Variants in TOB2 observed in about 807,000 individuals in gnomAD.
TOB2 encodes the protein protein Tob2.
A neutral mutation model predicts 17.3 loss-of-function variants in TOB2; 3 were observed. The ratio of observed to expected loss-of-function variants is 0.17; its 90% confidence interval spans 0.08 to 0.45. The LOEUF is 0.45. TOB2 is among the 20% of genes least tolerant of loss of function. TOB2 has a pLI of 0.99. For missense variants in TOB2, 407 were observed against 445.7 expected (o/e 0.91, Z 0.78); for synonymous variants, 163 against 185.6 (o/e 0.88, Z 0.99).
intron 1 of TOB2, among the ~76,000 whole-genome samples, chr22:41,438,508 TA>T (rs1421595600): frequency 6.6e-6 from 1 of 151,058 alleles, no homozygotes; most frequent in Admixed American, 6.6e-5. Flanking sequence ...TGCATGCCTG[TA>T]ATCCCAGCTA....
chr22:41,443,264 GTGTGTGTCACACGCGCGCGCA>G (rs2037638500), intron 1 of TOB2, among the ~76,000 whole-genome samples: 1 of 152,170 alleles, frequency 6.6e-6, no homozygotes, highest in Admixed American at 6.5e-5. Context: ...GAAGGTGTGT[GTGTGTGTCACACGCGCGCGCA>G]TGTGTCTGCC....
intron 1 of TOB2, among the ~76,000 whole-genome samples, chr22:41,445,154 C>T (rs1389472272): frequency 6.6e-6 from 1 of 152,232 alleles, no homozygotes; most frequent in East Asian, 1.9e-4. Context: ...ACTGAGTAAC[C>T]AGATCCGGGA....
In TOB2 at chr22:41,434,715, C is replaced by T. The variant is rs892879291; in HGVS notation, c.*1596G>A. The stretch of plus-strand genomic sequence containing the variant: ...TTGGGACCCTGATGCCAAGTGCCCA[C>T]TTTGCAAAGAAGAAAAAGTTAATGA... On this transcript the variant is annotated 3_prime_UTR_variant, in exon 2 of 2. Coordinates refer to ENST00000327492, the MANE Select transcript of TOB2 (RefSeq NM_016272.4). 1 of 152,676 alleles carries T rather than the reference C, an allele frequency of 6.5e-6. No homozygotes were observed. Among genetic ancestry groups the T allele is most frequent in the Non-Finnish European group, 1.5e-5 (1 of 68,116 alleles). 9.5% of individuals were successfully genotyped at this position (152,676 alleles called of 1,614,324 possible).
chr22:41,442,106 AAAAAG>A (rs1293562203), intron 1 of TOB2, among the ~76,000 whole-genome samples: 3 of 151,664 alleles, frequency 2.0e-5, no homozygotes, highest in African/African-American at 7.3e-5. Flanking sequence ...AAAAAAAAAA[AAAAAG>A]AAAAAAAAGT....
chr22:41,443,617 G>A (rs1170946514), intron 1 of TOB2, among the ~76,000 whole-genome samples: 1 of 112,238 alleles, frequency 8.9e-6, no homozygotes, highest in Non-Finnish European at 1.8e-5. Flanking sequence ...TGCCTAGCCA[G>A]AAGATTTTTT....
At position 41,437,401 on chromosome 22, in the gene TOB2, G is replaced by C. The variant is rs2037567113; in HGVS notation, c.-56C>G. 1 of 1,536,002 alleles carries C rather than the reference G, an allele frequency of 6.5e-7. No individual in the cohort carries two copies. Among genetic ancestry groups the C allele is most frequent in the Admixed American group, 2.1e-5 (1 of 47,262 alleles). On this transcript the variant is annotated 5_prime_UTR_variant, in exon 2 of 2. Coordinates refer to ENST00000327492, the MANE Select transcript of TOB2 (RefSeq NM_016272.4). ...GGCACGTGTACAGCCTTGGGCTCCA[G>C]GCGGCTCTGGGAAATGAGAGGCACC...
rs2037537404 is a variant in TOB2, at chr22:41,435,689, G to A, written c.*622C>T. On this transcript the variant is annotated 3_prime_UTR_variant, in exon 2 of 2. Coordinates refer to ENST00000327492, the MANE Select transcript of TOB2 (RefSeq NM_016272.4). ...CCTGTAGTCACAGACATCAGCTCCA[G>A]GGGGAGGGTGTCAAGTGGCCAGCCA... is the stretch of plus-strand genomic sequence containing the variant. 6.5e-6 allele frequency: 1 copy of A among 152,908 alleles called. No homozygotes were observed. Among genetic ancestry groups the A allele is most frequent in the African/African-American group, 2.4e-5 (1 of 41,472 alleles). 9.5% of individuals were successfully genotyped at this position (152,908 alleles called of 1,614,324 possible). A position where few individuals can be genotyped will look rare whatever the true frequency, so the allele number is the denominator to read the frequency against.
intron 1 of TOB2, among the ~76,000 whole-genome samples, chr22:41,440,015 G>A (rs1044782994): frequency 3.9e-5 from 6 of 152,114 alleles, no homozygotes; most frequent in African/African-American, 7.2e-5. Flanking sequence ...CCCTCCACAA[G>A]AACACTCAGG....
In TOB2 at chr22:41,436,826, T is replaced by A; in HGVS notation, c.520A>T (p.Ile174Phe). ...PTFIPRSAQP[I>F]TFTTASFAAT... ...GCGAAGGAGGCGGTGGTGAAGGTGATGGGCTGAGCGGAGCGGGGAATGAAG... is the reference window on the plus strand; with the variant it reads ...GCGAAGGAGGCGGTGGTGAAGGTGAAGGGCTGAGCGGAGCGGGGAATGAAG... The change falls in exon 2 of 2, where the codon ATC becomes TTC. Residue 174 changes from isoleucine to phenylalanine, a missense_variant. Physicochemically the swap from Ile to Phe is conservative, Grantham distance 21. Coordinates refer to ENST00000327492, the MANE Select transcript of TOB2 (RefSeq NM_016272.4). This position sits in a 1 kb window ranked among gnomAD's most constrained non-coding sequence, Gnocchi z 4.8. 1 of 1,613,954 alleles carries A rather than the reference T, an allele frequency of 6.2e-7. No individual in the cohort carries two copies. The highest frequency in any genetic ancestry group is 8.5e-7 in the Non-Finnish European group (1 of 1,179,904).
chr22:41,445,942 C>T (rs2037680315), intron 1 of TOB2, among the ~76,000 whole-genome samples: 1 of 152,180 alleles, frequency 6.6e-6, no homozygotes, highest in Non-Finnish European at 1.5e-5. Flanking sequence ...AATTACCACC[C>T]CCCTTCCCTG....
chr22:41,439,928 A>C (rs975273666), intron 1 of TOB2, among the ~76,000 whole-genome samples: 2 of 152,034 alleles, frequency 1.3e-5, no homozygotes, highest in Non-Finnish European at 2.9e-5. Context: ...AATCTAGTTA[A>C]CCCTCATTTC....
chr22:41,444,778 C>A (rs1012754964), intron 1 of TOB2, among the ~76,000 whole-genome samples: 8 of 152,250 alleles, frequency 5.3e-5, no homozygotes, highest in Non-Finnish European at 8.8e-5. Context: ...ACTTTCCCAC[C>A]TTTCCCTTCA....
rs769523076 is a variant in TOB2 at position 41,436,709 on chromosome 22, G to C, written c.637C>G (p.Pro213Ala). The C allele has an allele frequency of 3.1e-6, 5 of 1,613,128 alleles. No individual in the cohort carries two copies. The South Asian group carries it at 5.5e-5, about 18-fold the overall frequency. Residue 213 changes from proline (P) to alanine (A), a missense_variant, in exon 2 of 2, where the codon CCA becomes GCA. Physicochemically the swap from Pro to Ala is conservative, Grantham distance 27 (BLOSUM62 -1). Coordinates refer to ENST00000327492, the MANE Select transcript of TOB2 (RefSeq NM_016272.4). This position sits in a 1 kb window ranked among gnomAD's most constrained non-coding sequence, Gnocchi z 4.8. ...CGGGCCATGCGAGGCTGCTGTGGTG[G>C]CTGCTGGCCACCCGCCCCACTGCTG... is the stretch of plus-strand genomic sequence containing the variant. Reference protein sequence around the residue: ...VASSGAGGQQPPQQPRMARSP... With the variant: ...VASSGAGGQQAPQQPRMARSP...
chr22:41,435,527 AG>A lies in TOB2; in HGVS notation c.*783del. The A allele has an allele frequency of 6.5e-6, 1 of 152,794 alleles. No homozygotes were observed. Among genetic ancestry groups the A allele is most frequent in the East Asian group, 1.9e-4 (1 of 5,190 alleles). 9.5% of individuals were successfully genotyped at this position (152,794 alleles called of 1,614,324 possible). Reference sequence around the variant, plus strand: ...CCCACAACATCCAGCCTGGGGAAGAAGGGGCTGCATGAGGGAAAGAAAGCCC... The same window carrying A: ...CCCACAACATCCAGCCTGGGGAAGAAGGGCTGCATGAGGGAAAGAAAGCCC... On this transcript the variant is annotated 3_prime_UTR_variant, in exon 2 of 2. Transcript: ENST00000327492.
At chr22:41,439,564 G>A (rs2037591725) in intron 1 of TOB2, among the ~76,000 whole-genome samples, 1 of 152,054 alleles carries the variant, frequency 6.6e-6, no homozygotes, top group Non-Finnish European at 1.5e-5. Context: ...CGCCCAGGCT[G>A]GACTGCAGTG....
rs1214440198 is a variant in TOB2 at position 41,438,562 on chromosome 22, G to A, written c.-62-1155C>T. On this transcript the variant is annotated intron_variant, in intron 1 of 1. Transcript: ENST00000327492. The stretch of plus-strand genomic sequence containing the variant: ...GGAGAATCGCTTGAACCCAGGAGGC[G>A]GAGGTTGTGGTGAGCCGAGATCGCA... 4.9e-5 allele frequency among the ~76,000 whole-genome samples: 7 copies of A among 142,638 alleles called. No individual in the cohort carries two copies. The Admixed American group carries it at 5.0e-4, about 10-fold the overall frequency. 93.6% of individuals were successfully genotyped at this position (142,638 alleles called of 152,430 possible).
chr22:41,435,862 C>T lies in TOB2; in HGVS notation c.*449G>A, dbSNP rs1342432044. Reference sequence around the variant, plus strand: ...GAGGCAGTGACACGGGCCAGCCTCTCCCTGTTCCAGGGAGGGTCAGGCTCC... The same window carrying T: ...GAGGCAGTGACACGGGCCAGCCTCTTCCTGTTCCAGGGAGGGTCAGGCTCC... On this transcript the variant is annotated 3_prime_UTR_variant, in exon 2 of 2. Transcript: ENST00000327492. 1 of 153,700 alleles carries T rather than the reference C, an allele frequency of 6.5e-6. No homozygotes were observed. The highest frequency in any genetic ancestry group is 2.4e-5 in the African/African-American group (1 of 41,448). 9.5% of individuals were successfully genotyped at this position (153,700 alleles called of 1,614,324 possible).
intron 1 of TOB2, among the ~76,000 whole-genome samples, chr22:41,440,408 C>T (rs556440014): frequency 3.3e-5 from 5 of 151,700 alleles, no homozygotes; most frequent in Admixed American, 6.6e-5. Flanking sequence ...TGAGCCACCG[C>T]GCCTGGCCTC....
chr22:41,444,079 CTAAG>C (rs2037652383), intron 1 of TOB2, among the ~76,000 whole-genome samples: 1 of 152,190 alleles, frequency 6.6e-6, no homozygotes, highest in African/African-American at 2.4e-5. Context: ...CAGGACTCAA[CTAAG>C]TGTGGAGGGG....
Sources: allele counts gnomAD v4.1 joint callset (sites outside exome capture counted in the v4.1 genomes callset), GRCh38; gene constraint gnomAD v4.1.1; non-coding constraint Gnocchi (gnomAD v3.1); transcripts MANE v1.5; gene names NCBI Gene and HGNC (gene_info 2026-07-23, HGNC 2026-07-21).